CTNND2: variants seen among roughly 807,000 people sequenced by gnomAD.
The protein encoded by CTNND2 is catenin delta 2.
CTNND2 carries 22 observed loss-of-function variants against 144.4 expected under a neutral mutation model. The observed-to-expected ratio is 0.15, with a 90% CI of 0.11 to 0.22. The LOEUF is 0.22. CTNND2 is among the 10% of genes least tolerant of loss of function. The pLI, the probability that CTNND2 is intolerant of heterozygous loss-of-function variation, is 1.00. For missense variants in CTNND2, 1,353 were observed against 1,618.8 expected (o/e 0.84, Z 2.82); for synonymous variants, 751 against 695.6 (o/e 1.08, Z -1.25).
At chr5:11,694,416 A>G (rs1785049132) in intron 2 of CTNND2, among the ~76,000 whole-genome samples, 1 of 151,498 alleles carries the variant, frequency 6.6e-6, no homozygotes, top group Non-Finnish European at 1.5e-5. Context: ...AGCCTGGGTG[A>G]CAGAGTCTCT....
intron 2 of CTNND2, among the ~76,000 whole-genome samples, chr5:11,590,434 A>G (rs1561597920): frequency 1.3e-5 from 2 of 151,780 alleles, no homozygotes; most frequent in Non-Finnish European, 2.9e-5. Flanking sequence ...TATTCCATAC[A>G]CTCCCAGCAT....
At chr5:11,592,238 GCC>G (rs1188795328) in intron 2 of CTNND2, among the ~76,000 whole-genome samples, 6 of 10,286 alleles carry the variant, frequency 5.8e-4, no homozygotes, top group African/African-American at 4.3e-3. Flanking sequence ...CTGCCTGCCT[GCC>G]TTCCTGCCTG....
At chr5:11,302,869 A>C (rs1277979113) in intron 9 of CTNND2, among the ~76,000 whole-genome samples, 1 of 152,134 alleles carries the variant, frequency 6.6e-6, no homozygotes, top group African/African-American at 2.4e-5. Flanking sequence ...GGAAGTTAGG[A>C]GGAGGAGGAC....
chr5:11,333,760 G>C (rs1439249623), intron 9 of CTNND2, among the ~76,000 whole-genome samples: 5 of 152,152 alleles, frequency 3.3e-5, no homozygotes, highest in Non-Finnish European at 7.3e-5. Context: ...TGCTTGAAAG[G>C]GTTTGCTCAC....
intron 3 of CTNND2, among the ~76,000 whole-genome samples, chr5:11,505,079 A>T (rs1770890517): frequency 6.6e-6 from 1 of 152,160 alleles, no homozygotes; most frequent in South Asian, 2.1e-4. Flanking sequence ...GAACTGGTGA[A>T]ATATTTCTGT....
chr5:11,050,937 G>A (rs1446374160), intron 16 of CTNND2, among the ~76,000 whole-genome samples: 2 of 152,150 alleles, frequency 1.3e-5, no homozygotes, highest in Non-Finnish European at 2.9e-5. Context: ...CACAACTGAA[G>A]CTTCCCTTTT....
intron 1 of CTNND2, among the ~76,000 whole-genome samples, chr5:11,894,334 C>A (rs934724841): frequency 6.6e-6 from 1 of 152,024 alleles, no homozygotes; most frequent in African/African-American, 2.4e-5. Context: ...ACTTTTTGGG[C>A]CAATTTTGTA....
intron 3 of CTNND2, among the ~76,000 whole-genome samples, chr5:11,423,290 T>G (rs1226336477): frequency 6.6e-6 from 1 of 152,222 alleles, no homozygotes; most frequent in Non-Finnish European, 1.5e-5. Context: ...TAACTCACAG[T>G]CAGATGTTGA....
chr5:11,301,450 C>A (rs1228336196), intron 9 of CTNND2, among the ~76,000 whole-genome samples: 1 of 152,114 alleles, frequency 6.6e-6, no homozygotes, highest in Non-Finnish European at 1.5e-5. Context: ...CACTATGTGG[C>A]AGGGTGTGCC....
chr5:11,637,363 A>C (rs1266869060), intron 2 of CTNND2, among the ~76,000 whole-genome samples: 1 of 152,220 alleles, frequency 6.6e-6, no homozygotes, highest in African/African-American at 2.4e-5. Flanking sequence ...ATATGCCACA[A>C]TGCCAGTTGA....
chr5:11,316,810 G>A (rs1751555580), intron 9 of CTNND2, among the ~76,000 whole-genome samples: 2 of 152,038 alleles, frequency 1.3e-5, no homozygotes, highest in Non-Finnish European at 2.9e-5. Flanking sequence ...TCCCTACAAA[G>A]GACATGAACT....
intron 2 of CTNND2, among the ~76,000 whole-genome samples, chr5:11,719,452 T>C (rs1786536673): frequency 6.6e-6 from 1 of 152,206 alleles, no homozygotes; most frequent in Non-Finnish European, 1.5e-5. Context: ...GTGGAGACAA[T>C]GGTTCCTAAC....
chr5:11,893,975 G>C (rs986873940), intron 1 of CTNND2, among the ~76,000 whole-genome samples: 1 of 152,124 alleles, frequency 6.6e-6, no homozygotes, highest in African/African-American at 2.4e-5. Flanking sequence ...TGTTTAACTT[G>C]ACTTCTTTAC....
At chr5:11,772,373 A>C (rs1789997679) in intron 1 of CTNND2, among the ~76,000 whole-genome samples, 1 of 152,178 alleles carries the variant, frequency 6.6e-6, no homozygotes, top group African/African-American at 2.4e-5. Flanking sequence ...TCTGTGGGAA[A>C]ATTAATAATA....
intron 1 of CTNND2, among the ~76,000 whole-genome samples, chr5:11,856,018 A>G (rs1205433106): frequency 2.0e-5 from 3 of 152,242 alleles, no homozygotes; most frequent in Non-Finnish European, 4.4e-5. Flanking sequence ...TACTATGTGC[A>G]TTAAGAAATT....
intron 9 of CTNND2, among the ~76,000 whole-genome samples, chr5:11,240,383 C>CAAACACACACCCA (rs1554009608): frequency 4.5e-5 from 1 of 22,114 alleles, no homozygotes; most frequent in African/African-American, 2.1e-4. Flanking sequence ...CACACACATA[C>CAAACACACACCCA]ACTCACACAC....
At chr5:11,342,711 T>A (rs926113973) in intron 9 of CTNND2, among the ~76,000 whole-genome samples, 2 of 152,214 alleles carry the variant, frequency 1.3e-5, no homozygotes, top group Non-Finnish European at 2.9e-5. Context: ...CCTTAGTATA[T>A]CTGGGTATAT....
At chr5:11,070,016 A>C (rs928048095) in intron 16 of CTNND2, among the ~76,000 whole-genome samples, 1 of 152,228 alleles carries the variant, frequency 6.6e-6, no homozygotes, top group Non-Finnish European at 1.5e-5. Flanking sequence ...AAGAATTACC[A>C]ACTTCAGTCT....
chr5:11,538,133 T>C (rs953057133), intron 3 of CTNND2, among the ~76,000 whole-genome samples: 1 of 152,220 alleles, frequency 6.6e-6, no homozygotes, highest in African/African-American at 2.4e-5. Flanking sequence ...ATTTTGTCCA[T>C]AAACCAACTG....
Sources: allele counts gnomAD v4.1 joint callset (sites outside exome capture counted in the v4.1 genomes callset), GRCh38; gene constraint gnomAD v4.1.1; transcripts MANE v1.5; gene names NCBI Gene and HGNC (gene_info 2026-07-23, HGNC 2026-07-21).